Variants in LRP1 observed in about 807,000 individuals in gnomAD.
The protein encoded by LRP1 is prolow-density lipoprotein receptor-related protein 1.
In LRP1, 51 loss-of-function variants were observed where a neutral mutation model predicts 541.5. The observed-to-expected ratio is 0.09, with a 90% CI of 0.08 to 0.12. The LOEUF (loss-of-function observed/expected upper bound fraction) is 0.12. Ranked by LOEUF, LRP1 falls within the 10% of genes least tolerant of loss-of-function variation. LRP1 has a pLI of 1.00. For missense variants in LRP1, 3,878 were observed against 6,376.2 expected (o/e 0.61, Z 13.34); for synonymous variants, 2,219 against 2,470.8 (o/e 0.90, Z 3.02).
rs971901690 is a variant in LRP1, at chr12:57,156,594, A to C, written c.1418-183A>C. The stretch of plus-strand genomic sequence containing the variant: ...CCTGACTACTGAAGCCCCCACTCCA[A>C]GAGTTTGAAGGCTGGGTTGTTGGGG... On this transcript the variant is annotated intron_variant, in intron 9 of 88. Transcript: ENST00000243077. The surrounding 1 kb of genome is among the most constrained non-coding windows in gnomAD (Gnocchi z 5.2). 3.3e-5 allele frequency among the ~76,000 whole-genome samples: 5 copies of C among 152,212 alleles called. No individual in the cohort carries two copies. The highest frequency in any genetic ancestry group is 1.3e-4 in the Admixed American group (2 of 15,286).
At position 57,204,947 on chromosome 12, in the gene LRP1, T is replaced by C; in HGVS notation, c.11195-162T>C. ...GGGGAAGGCTCTGGGGGCTGCCTGATGCCTTAGGTCTTGGAGGTGGGGCTG... is the reference window on the plus strand; with the variant it reads ...GGGGAAGGCTCTGGGGGCTGCCTGACGCCTTAGGTCTTGGAGGTGGGGCTG... On this transcript the variant is annotated intron_variant, in intron 72 of 88. Transcript: ENST00000243077. The surrounding 1 kb of genome is among the most constrained non-coding windows in gnomAD (Gnocchi z 5.3). 1 of 1,320,440 alleles carries C rather than the reference T, an allele frequency of 7.6e-7. No individual in the cohort carries two copies. Among genetic ancestry groups the C allele is most frequent in the Non-Finnish European group, 1.0e-6 (1 of 967,496 alleles). The allele number at this position is 1,320,440 out of a possible 1,614,324, so 81.8% of individuals were successfully genotyped here. A position where few individuals can be genotyped will look rare whatever the true frequency, so the allele number is the denominator to read the frequency against.
In LRP1 at chr12:57,162,592, C is replaced by G; in HGVS notation, c.2404+74C>G. Reference sequence around the variant, plus strand: ...GACTTAGGCATTGATTTGAGACTTCCCTGGGAGTGAAGGCACTTCCCAGGG... The same window carrying G: ...GACTTAGGCATTGATTTGAGACTTCGCTGGGAGTGAAGGCACTTCCCAGGG... On this transcript the variant is annotated intron_variant, in intron 14 of 88. Coordinates refer to ENST00000243077, the MANE Select transcript of LRP1 (RefSeq NM_002332.3). This position sits in a 1 kb window ranked among gnomAD's most constrained non-coding sequence, Gnocchi z 5.2. 1 of 1,545,932 alleles carries G rather than the reference C, an allele frequency of 6.5e-7. No homozygotes were observed. The highest frequency in any genetic ancestry group is 8.9e-7 in the Non-Finnish European group (1 of 1,129,086).
rs535678714 is a variant in LRP1, at chr12:57,161,118, G to A, written c.2202+3G>A. On this transcript the variant is annotated splice_donor_region_variant and intron_variant, in intron 13 of 88. Transcript: ENST00000243077. ...TGCTCAATGGCACAGACCGGAAGGT[G>A]GGCAGGCATGTGCCTGTGTGGGGGA... 19 of 1,611,548 alleles carry A rather than the reference G, an allele frequency of 1.2e-5. No individual in the cohort carries two copies. In the East Asian group the frequency reaches 3.8e-4, roughly 32 times the overall value.
chr12:57,206,723 G>A lies in LRP1; in HGVS notation c.11841G>A (p.Arg3947=), dbSNP rs2036787546. ...TSNRHRRQID[R]GVTHLNISGL... is the part of the protein sequence containing the mutation. ...ACCGCCACCGGCGACAGATTGACCG[G>A]GGTGTCACCCACCTCAACGTGAGTG... Residue 3947 remains arginine (R), a synonymous_variant, in exon 76 of 89, where the codon CGG becomes CGA. Transcript: ENST00000243077. The surrounding 1 kb of genome is among the most constrained non-coding windows in gnomAD (Gnocchi z 4.7). 6.2e-7 allele frequency: 1 copy of A among 1,612,532 alleles called. No homozygotes were observed.
chr12:57,156,693 G>A lies in LRP1; in HGVS notation c.1418-84G>A, dbSNP rs1239767961. 2.8e-6 allele frequency: 4 copies of A among 1,409,122 alleles called. No homozygotes were observed. The East Asian group carries it at 7.0e-5, about 25-fold the overall frequency. 87.3% of individuals were successfully genotyped at this position (1,409,122 alleles called of 1,614,324 possible). On this transcript the variant is annotated intron_variant, in intron 9 of 88. Transcript: ENST00000243077. The surrounding 1 kb of genome is among the most constrained non-coding windows in gnomAD (Gnocchi z 5.2). Reference sequence around the variant, plus strand: ...CAAGCACAAAGACCACAGCAGCAGGGGGTGTGGTCAGATTCAGGAAGCCTT... The same window carrying A: ...CAAGCACAAAGACCACAGCAGCAGGAGGTGTGGTCAGATTCAGGAAGCCTT...
intron 1 of LRP1, among the ~76,000 whole-genome samples, chr12:57,136,308 C>T (rs1001149292): frequency 1.3e-5 from 2 of 151,610 alleles, no homozygotes; most frequent in Non-Finnish European, 2.9e-5. Flanking sequence ...TGGCCAGGGG[C>T]CTGAGTGCCG....
chr12:57,179,569 C>T lies in LRP1; in HGVS notation c.4966+13C>T, dbSNP rs754722055. On this transcript the variant is annotated intron_variant, in intron 29 of 88. Coordinates refer to ENST00000243077, the MANE Select transcript of LRP1 (RefSeq NM_002332.3). The surrounding 1 kb of genome is among the most constrained non-coding windows in gnomAD (Gnocchi z 6.8). ...GTCGTCTCTGCAGGTTCTTCCTGGC[C>T]CTGGATGCCCACCAGTGGACATGGG... 2 of 1,610,090 alleles carry T rather than the reference C, an allele frequency of 1.2e-6. No individual in the cohort carries two copies. The highest frequency in any genetic ancestry group is 8.5e-7 in the Non-Finnish European group (1 of 1,177,002).
chr12:57,188,886 C>G (rs1592644638), intron 42 of LRP1, among the ~76,000 whole-genome samples: 1 of 152,140 alleles, frequency 6.6e-6, no homozygotes, highest in Non-Finnish European at 1.5e-5. Flanking sequence ...TGGGTGGGAG[C>G]ATGGTCCCAG....
intron 6 of LRP1, chr12:57,149,103 G>C (rs995609685): frequency 7.8e-6 from 4 of 514,704 alleles, no homozygotes; most frequent in African/African-American, 2.0e-5. Context: ...TGGAAGGGGT[G>C]CTACCTCCCC....
chr12:57,174,017 G>A (rs1462200977), intron 22 of LRP1, 37 bp downstream of exon 22: 25 of 1,601,170 alleles, frequency 1.6e-5, no homozygotes, highest in Non-Finnish European at 2.0e-5. Flanking sequence ...AGGGAGGGTG[G>A]CTGGGTAGGA....
At chr12:57,187,572 A>C in intron 42 of LRP1, 116 bp downstream of exon 42, 2 of 1,006,198 alleles carry the variant, frequency 2.0e-6, no homozygotes, top group Non-Finnish European at 2.8e-6. Flanking sequence ...CTTGAGCTCC[A>C]CCCTTCCCTG....
rs927702025 is a variant in LRP1, at chr12:57,213,173, T to G, written c.*618T>G. On this transcript the variant is annotated 3_prime_UTR_variant, in exon 89 of 89. Transcript: ENST00000243077. The stretch of plus-strand genomic sequence containing the variant: ...GAGGTTCCCAGGGCTGGAGACTTCC[T>G]CTGGTAAACATTCCTCCAGCCTCCC... The G allele has an allele frequency of 6.6e-6, 1 of 151,156 alleles. No individual in the cohort carries two copies. The highest frequency in any genetic ancestry group is 1.5e-5 in the Non-Finnish European group (1 of 67,792). 9.4% of individuals were successfully genotyped at this position (151,156 alleles called of 1,614,324 possible). A position where few individuals can be genotyped will look rare whatever the true frequency, so the allele number is the denominator to read the frequency against.
Position 57,187,350 on chromosome 12 carries a change from C to T in LRP1, c.6925C>T (p.Arg2309Cys). 1 of 1,614,218 alleles carries T rather than the reference C, an allele frequency of 6.2e-7. No individual in the cohort carries two copies. Among genetic ancestry groups the T allele is most frequent in the Non-Finnish European group, 8.5e-7 (1 of 1,180,048 alleles). ...AAGCTACACGACATCCACCATCACGCGCCACACAGTGGACCAGACCCGCCC... is the reference window on the plus strand; with the variant it reads ...AAGCTACACGACATCCACCATCACGTGCCACACAGTGGACCAGACCCGCCC... Reference protein sequence around the residue: ...WTSYTTSTITRHTVDQTRPGA... With the variant: ...WTSYTTSTITCHTVDQTRPGA... Residue 2309 changes from arginine to cysteine, a missense_variant, in exon 42 of 89, where the codon CGC (arginine) becomes TGC (cysteine). Coordinates refer to ENST00000243077, the MANE Select transcript of LRP1 (RefSeq NM_002332.3).
At position 57,145,323 on chromosome 12, in the gene LRP1, C is replaced by A; in HGVS notation, c.674C>A (p.Thr225Lys). 1 of 1,614,150 alleles carries A rather than the reference C, an allele frequency of 6.2e-7. No individual in the cohort carries two copies. The highest frequency in any genetic ancestry group is 2.2e-5 in the East Asian group (1 of 44,880). ...GCCCAGGTGTCTACCATCACACCTACGAGCACGCGGCAGACCACAGCCATG... is the reference window on the plus strand; with the variant it reads ...GCCCAGGTGTCTACCATCACACCTAAGAGCACGCGGCAGACCACAGCCATG... ...SGAQVSTITP[T>K]STRQTTAMDF... The change falls in exon 6 of 89, where the codon ACG becomes AAG. Residue 225 changes from threonine (T) to lysine (K), a missense_variant. Thr to Lys is a moderately conservative substitution (Grantham distance 78). This residue lies in a region of LRP1 where 293 missense variants were observed against 403.7 expected (regional missense o/e 0.73). Coordinates refer to ENST00000243077, the MANE Select transcript of LRP1 (RefSeq NM_002332.3).
At chr12:57,190,208 G>A (rs1019505119) in intron 42 of LRP1, among the ~76,000 whole-genome samples, 23 of 152,316 alleles carry the variant, frequency 1.5e-4, no homozygotes, top group African/African-American at 5.5e-4. Flanking sequence ...ACATACCCCA[G>A]GACCTGGGAC....
chr12:57,158,714 T>G lies in LRP1; in HGVS notation c.1798+76T>G, dbSNP rs34355644. 1.1e-3 allele frequency: 1,529 copies of G among 1,349,802 alleles called. 8 individuals carry two copies. The African/African-American group carries it at 0.02, about 18-fold the overall frequency. 83.6% of individuals were successfully genotyped at this position (1,349,802 alleles called of 1,614,324 possible). On this transcript the variant is annotated intron_variant, in intron 11 of 88. Transcript: ENST00000243077. This position sits in a 1 kb window ranked among gnomAD's most constrained non-coding sequence, Gnocchi z 5.3. The stretch of plus-strand genomic sequence containing the variant: ...CAGGCATCTGTTTCTCGGTGCCCTC[T>G]CAGCAGGATGGTCCCCTGCTGACTG...
chr12:57,160,760 T>C (rs2035713005), intron 12 of LRP1, 133 bp from the exon 13 acceptor site: 3 of 637,602 alleles, frequency 4.7e-6, no homozygotes, highest in South Asian at 1.9e-5. Flanking sequence ...ATGAATGAAA[T>C]GTGTGGTCCA....
At chr12:57,161,461 TG>T (rs1199500130) in intron 13 of LRP1, among the ~76,000 whole-genome samples, 1 of 152,192 alleles carries the variant, frequency 6.6e-6, no homozygotes, top group Non-Finnish European at 1.5e-5. Context: ...GGTGTGTGTC[TG>T]CACTCTCTGC....
intron 4 of LRP1, 94 bp from the exon 5 acceptor site, chr12:57,144,873 TAGCTG>T: frequency 1.7e-6 from 2 of 1,210,034 alleles, no homozygotes; most frequent in Non-Finnish European, 2.4e-6. Context: ...TCCTTCAAGG[TAGCTG>T]TAAGGATGGA....
Sources: allele counts gnomAD v4.1 joint callset (sites outside exome capture counted in the v4.1 genomes callset), GRCh38; gene constraint gnomAD v4.1.1; regional missense constraint gnomAD v4.1.1; non-coding constraint Gnocchi (gnomAD v3.1); transcripts MANE v1.5; gene names NCBI Gene and HGNC (gene_info 2026-07-23, HGNC 2026-07-21).